Variants in IRAG2 observed in about 807,000 individuals in gnomAD.
The protein encoded by IRAG2 is inositol 1,4,5-triphosphate receptor associated 2, also known as lymphoid restricted membrane protein.
A neutral mutation model predicts 69.9 loss-of-function variants in IRAG2; 45 were observed. The ratio of observed to expected loss-of-function variants is 0.64; its 90% CI spans 0.51 to 0.83. The LOEUF (loss-of-function observed/expected upper bound fraction) is 0.83, where lower values mean the gene tolerates loss of function less well. Among genes scored for constraint, IRAG2 ranks in the 40% least tolerant of loss-of-function variants. The probability of loss-of-function intolerance (pLI) is 0.00; values close to 1 mark genes in which losing one functional copy is unlikely to be tolerated. For synonymous variants in IRAG2, 193 were observed against 202.4 expected, an observed-to-expected ratio of 0.95 and a Z score of 0.40; for missense variants, 520 against 587.0, an observed-to-expected ratio of 0.89 and a Z score of 1.18.
At chr12:25,036,740 C>T in intron 15 of IRAG2, 1 of 398,038 alleles carries the variant, frequency 2.5e-6, no homozygotes, top group Non-Finnish European at 4.4e-6. Context: ...TTTGTTAAGC[C>T]AGGTAATAGT....
At chr12:25,073,214 C>G (rs541792606) in intron 6 of IRAG2, among the ~76,000 whole-genome samples, 2 of 152,286 alleles carry the variant, frequency 1.3e-5, no homozygotes, top group South Asian at 4.1e-4. Context: ...CATCTGTATG[C>G]TGGTTTGCAT....
At chr12:25,044,077 AT>A (rs1944772099) in intron 16 of IRAG2, among the ~76,000 whole-genome samples, 1 of 152,224 alleles carries the variant, frequency 6.6e-6, no homozygotes, top group South Asian at 2.1e-4. Context: ...ATAAGTAAAA[AT>A]AACTATAAAA....
At chr12:25,017,794 A>G (rs1944543369) in intron 6 of IRAG2, among the ~76,000 whole-genome samples, 2 of 152,062 alleles carry the variant, frequency 1.3e-5, no homozygotes, top group Admixed American at 6.6e-5. Context: ...CAATTCCAGG[A>G]TATTTTCACC....
upstream of IRAG2, among the ~76,000 whole-genome samples, chr12:25,048,833 T>C (rs1944818433): frequency 6.6e-6 from 1 of 152,242 alleles, no homozygotes; most frequent in East Asian, 1.9e-4. Context: ...GTGAAATCTT[T>C]GCCTGTGCCT....
At chr12:25,030,344 G>C in intron 10 of IRAG2, 1 of 1,230,464 alleles carries the variant, frequency 8.1e-7, no homozygotes, top group South Asian at 4.1e-5. Flanking sequence ...GGTTGGTATT[G>C]TTCCTTACCA....
At chr12:25,035,777 T>G in exon 14 of IRAG2, 3 of 399,008 alleles carry the variant, frequency 7.5e-6, no homozygotes. Flanking sequence ...ACAGCCACGC[T>G]TCAGAAGCTG....
intron 10 of IRAG2, among the ~76,000 whole-genome samples, chr12:25,084,465 C>T (rs1184167820): frequency 6.6e-6 from 1 of 151,986 alleles, no homozygotes; most frequent in Non-Finnish European, 1.5e-5. Flanking sequence ...AGAGTAACTA[C>T]AGGTCTAATT....
chr12:25,059,551 A>G (rs1226674718), intron 1 of IRAG2, among the ~76,000 whole-genome samples: 1 of 152,046 alleles, frequency 6.6e-6, no homozygotes, highest in Non-Finnish European at 1.5e-5. Context: ...ACAAGGTTTC[A>G]CCATGTTGTT....
In IRAG2 at chr12:25,063,908, G is replaced by A. The variant is rs1287595578; in HGVS notation, c.-207+92G>A. On this transcript the variant is annotated intron_variant, in intron 4 of 21. Coordinates refer to ENST00000556887, the MANE Select transcript of IRAG2 (RefSeq NM_001366544.2). ...ACTAGTTATTATTACATTTGTATAGGAAGAATTGTTGAATACGTGTATATT... is the reference window on the plus strand; with the variant it reads ...ACTAGTTATTATTACATTTGTATAGAAAGAATTGTTGAATACGTGTATATT... 7.5e-6 allele frequency: 3 copies of A among 398,070 alleles called. No homozygotes were observed. The Admixed American group carries it at 1.3e-4, about 18-fold the overall frequency. The allele number at this position is 398,070 out of a possible 1,614,324, so 24.7% of individuals were successfully genotyped here. A position where few individuals can be genotyped will look rare whatever the true frequency, so the allele number is the denominator to read the frequency against.
chr12:25,082,726 T>C (rs998431006), intron 9 of IRAG2, among the ~76,000 whole-genome samples: 2 of 152,224 alleles, frequency 1.3e-5, no homozygotes, highest in African/African-American at 4.8e-5. Flanking sequence ...TATTTCCATA[T>C]AAATTTTACA....
intron 2 of IRAG2, among the ~76,000 whole-genome samples, chr12:25,006,994 A>ATTC (rs1944438366): frequency 6.6e-6 from 1 of 152,210 alleles, no homozygotes; most frequent in Non-Finnish European, 1.5e-5. Flanking sequence ...TCCCTGAGTA[A>ATTC]CCATTGTTAG....
At chr12:25,027,159 T>C (rs889417711) in intron 9 of IRAG2, among the ~76,000 whole-genome samples, 1 of 152,072 alleles carries the variant, frequency 6.6e-6, no homozygotes, top group African/African-American at 2.4e-5. Flanking sequence ...CAAAATCAAG[T>C]TTAAAACATT....
At chr12:25,032,574 C>T (rs1024100808) in intron 12 of IRAG2, among the ~76,000 whole-genome samples, 1 of 152,174 alleles carries the variant, frequency 6.6e-6, no homozygotes, top group African/African-American at 2.4e-5. Context: ...TGACAAAATA[C>T]CATAGACTGT....
chr12:25,042,385 T>C (rs996071115), intron 16 of IRAG2, among the ~76,000 whole-genome samples: 2 of 152,176 alleles, frequency 1.3e-5, no homozygotes, highest in Non-Finnish European at 2.9e-5. Context: ...AATATATACC[T>C]CTTTACATGA....
chr12:25,012,448 T>TG, intron 3 of IRAG2, among the ~76,000 whole-genome samples: 1 of 148,858 alleles, frequency 6.7e-6, no homozygotes, highest in Non-Finnish European at 1.5e-5. Flanking sequence ...AGCCACCCAC[T>TG]GCACCTAGCC....
At chr12:25,010,123 TATG>T (rs1944463357) in intron 2 of IRAG2, among the ~76,000 whole-genome samples, 2 of 152,128 alleles carry the variant, frequency 1.3e-5, no homozygotes, top group Non-Finnish European at 2.9e-5. Context: ...TGGAGGAAAA[TATG>T]ATAAATGATT....
intron 6 of IRAG2, among the ~76,000 whole-genome samples, chr12:25,071,735 C>G (rs1173866799): frequency 6.6e-6 from 1 of 151,878 alleles, no homozygotes; most frequent in African/African-American, 2.4e-5. Context: ...CATGGCTACT[C>G]TTAGTACACT....
At chr12:25,100,616 G>T (rs1434292101) in intron 15 of IRAG2, among the ~76,000 whole-genome samples, 1 of 152,122 alleles carries the variant, frequency 6.6e-6, no homozygotes, top group African/African-American at 2.4e-5. Context: ...AATAAGGCTG[G>T]ATCTCAATAT....
At chr12:25,080,249 G>A (rs1435819918) in intron 9 of IRAG2, among the ~76,000 whole-genome samples, 2 of 151,728 alleles carry the variant, frequency 1.3e-5, no homozygotes, top group African/African-American at 2.4e-5. Context: ...AGTTATTCTC[G>A]ACCATTCCCA....
Sources: allele counts gnomAD v4.1 joint callset (sites outside exome capture counted in the v4.1 genomes callset), GRCh38; gene constraint gnomAD v4.1.1; transcripts MANE v1.5; gene names NCBI Gene and HGNC (gene_info 2026-07-23, HGNC 2026-07-21).